Variants in CDC25C observed in about 807,000 individuals in gnomAD.
CDC25C encodes cell division cycle 25C, also known as M-phase inducer phosphatase 3.
CDC25C carries 48 observed loss-of-function variants against 52.5 expected under a neutral mutation model. The observed-to-expected ratio is 0.91, with a 90% CI of 0.72 to 1.16. CDC25C has a LOEUF of 1.16. Among genes scored for constraint, CDC25C ranks in the 50% most tolerant of loss-of-function variants. The probability of loss-of-function intolerance (pLI) is 0.00; values close to 1 mark genes in which losing one functional copy is unlikely to be tolerated. For synonymous variants in CDC25C, 187 were observed against 206.5 expected (o/e 0.91, Z 0.81); for missense variants, 510 against 566.1 (o/e 0.90, Z 1.01).
chr5:138,331,282 A>C, intron 1 of CDC25C, 64 bp from the exon 2 acceptor site: 1 of 1,105,136 alleles, frequency 9.0e-7, no homozygotes, highest in Non-Finnish European at 1.3e-6. Context: ...AAACTCCTCC[A>C]CCCTTTCCAG....
chr5:138,297,717 G>C (rs888904033), intron 7 of CDC25C, among the ~76,000 whole-genome samples: 3 of 152,098 alleles, frequency 2.0e-5, no homozygotes, highest in African/African-American at 7.2e-5. Context: ...ATGAACAAAA[G>C]AGTAAAAGAA....
chr5:138,303,159 T>C (rs1364815746), intron 7 of CDC25C, among the ~76,000 whole-genome samples: 2 of 152,210 alleles, frequency 1.3e-5, no homozygotes, highest in African/African-American at 2.4e-5. Flanking sequence ...AACCTGATGA[T>C]GGGCTTCTCA....
intron 7 of CDC25C, among the ~76,000 whole-genome samples, chr5:138,318,155 C>A (rs567347159): frequency 6.6e-6 from 1 of 152,156 alleles, no homozygotes; most frequent in South Asian, 2.1e-4. Flanking sequence ...ATGGCAAAAC[C>A]CCGTCTCTAC....
intron 7 of CDC25C, among the ~76,000 whole-genome samples, chr5:138,311,585 T>G (rs1014032618): frequency 1.5e-4 from 23 of 152,022 alleles, no homozygotes; most frequent in African/African-American, 4.8e-4. Context: ...TGAGACCCTG[T>G]CCCTACTATT....
intron 7 of CDC25C, among the ~76,000 whole-genome samples, chr5:138,296,608 ATT>A (rs35152436): frequency 1.5e-5 from 2 of 135,578 alleles, no homozygotes; most frequent in Admixed American, 7.5e-5. Flanking sequence ...ATTATTAATT[ATT>A]TTTTTTTTTT....
chr5:138,330,259 C>T (rs1001900544), intron 2 of CDC25C, among the ~76,000 whole-genome samples: 3 of 151,938 alleles, frequency 2.0e-5, no homozygotes, highest in East Asian at 1.9e-4. Flanking sequence ...TCCACATTCC[C>T]GGTCCTGAGC....
At chr5:138,312,931 C>G (rs978042446) in intron 7 of CDC25C, among the ~76,000 whole-genome samples, 6 of 151,890 alleles carry the variant, frequency 4.0e-5, no homozygotes, top group Non-Finnish European at 8.8e-5. Context: ...AAACATTACA[C>G]TATGAGATAT....
intron 6 of CDC25C, among the ~76,000 whole-genome samples, chr5:138,324,566 T>A (rs1036589331): frequency 1.3e-5 from 2 of 152,054 alleles, no homozygotes; most frequent in African/African-American, 4.8e-5. Context: ...AAGACCATCC[T>A]GGTCAACATG....
intron 4 of CDC25C, among the ~76,000 whole-genome samples, chr5:138,326,947 CG>C (rs1561720911): frequency 2.1e-4 from 22 of 103,862 alleles, no homozygotes; most frequent in African/African-American, 8.6e-4. Context: ...AGCAAAACTC[CG>C]TCTCAAAAAA....
intron 7 of CDC25C, among the ~76,000 whole-genome samples, chr5:138,316,095 G>A (rs578032947): frequency 3.9e-5 from 6 of 152,308 alleles, no homozygotes; most frequent in East Asian, 3.9e-4. Flanking sequence ...TGTGGGGGCC[G>A]GGAGCAGGCA....
intron 7 of CDC25C, among the ~76,000 whole-genome samples, chr5:138,294,548 A>G (rs1191749871): frequency 6.3e-5 from 8 of 127,730 alleles, no homozygotes; most frequent in African/African-American, 2.5e-4. Context: ...TCTGTCACCC[A>G]GGCTGGAGTG....
At chr5:138,291,567 T>A (rs538002639) in intron 8 of CDC25C, among the ~76,000 whole-genome samples, 2 of 151,994 alleles carry the variant, frequency 1.3e-5, no homozygotes, top group South Asian at 2.1e-4. Flanking sequence ...TACAGGCACA[T>A]GCTGCCACGC....
intron 1 of CDC25C, chr5:138,337,563 A>C: frequency 5.2e-6 from 1 of 191,618 alleles, no homozygotes. Context: ...GGGCGGAGAG[A>C]GAAGAGAGGG....
At chr5:138,336,115 ACTT>A (rs1431507148), upstream of CDC25C, among the ~76,000 whole-genome samples, 1 of 142,618 alleles carries the variant, frequency 7.0e-6, no homozygotes, top group Non-Finnish European at 1.5e-5. Flanking sequence ...GAATCCCAGC[ACTT>A]CGTTTTTTGT....
At chr5:138,318,226 T>A (rs1759057951) in intron 7 of CDC25C, among the ~76,000 whole-genome samples, 1 of 152,014 alleles carries the variant, frequency 6.6e-6, no homozygotes, top group Non-Finnish European at 1.5e-5. Context: ...GGCAAGAGAA[T>A]CACTTAAACC....
At chr5:138,297,457 G>T (rs1274476040) in intron 7 of CDC25C, among the ~76,000 whole-genome samples, 2 of 152,060 alleles carry the variant, frequency 1.3e-5, no homozygotes, top group African/African-American at 4.8e-5. Flanking sequence ...AATTTTCTTT[G>T]TTAGGCCTCC....
intron 2 of CDC25C, among the ~76,000 whole-genome samples, chr5:138,329,955 T>C (rs920678232): frequency 3.3e-5 from 5 of 152,066 alleles, no homozygotes; most frequent in Admixed American, 2.6e-4. Flanking sequence ...GGTCTTAAAC[T>C]CCTAACCTCA....
chr5:138,312,538 C>T (rs568211810), intron 7 of CDC25C, among the ~76,000 whole-genome samples: 2 of 152,298 alleles, frequency 1.3e-5, no homozygotes, highest in South Asian at 4.1e-4. Flanking sequence ...AATTATGATA[C>T]ATGCTACAAC....
At chr5:138,325,722 G>A in intron 6 of CDC25C, 93 bp downstream of exon 6, 2 of 843,102 alleles carry the variant, frequency 2.4e-6, no homozygotes, top group East Asian at 2.5e-5. Context: ...TAGCATACGA[G>A]GTATAAACAG....
Sources: gnomAD v4.1 joint callset for allele counts (sites outside exome capture counted in the v4.1 genomes callset) on GRCh38, gnomAD v4.1.1 for gene constraint, MANE v1.5 for transcripts, NCBI Gene and HGNC (gene_info 2026-07-23, HGNC 2026-07-21) for gene names.